DPP6: variants seen among roughly 807,000 people sequenced by gnomAD.
The protein encoded by DPP6 is A-type potassium channel modulatory protein DPP6.
In DPP6, 69 loss-of-function variants were observed where a neutral mutation model predicts 122.6. The ratio of observed to expected loss-of-function variants is 0.56; its 90% confidence interval spans 0.46 to 0.69. The LOEUF (loss-of-function observed/expected upper bound fraction) is 0.69, where lower values mean the gene tolerates loss of function less well. Among genes scored for constraint, DPP6 ranks in the 30% least tolerant of loss-of-function variants. The pLI, the probability that DPP6 is intolerant of heterozygous loss-of-function variation, is 0.00. For missense variants in DPP6, 928 were observed against 1,116.9 expected (o/e 0.83, Z 2.41); for synonymous variants, 418 against 433.1 (o/e 0.97, Z 0.43).
chr7:153,768,019 T>C, the DPP6 span, among the ~76,000 whole-genome samples: 3 of 151,862 alleles, frequency 2.0e-5, no homozygotes, highest in South Asian at 2.1e-4. Context: ...TGTTAGAAAA[T>C]TGATAATGGA....
intron 1 of DPP6, among the ~76,000 whole-genome samples, chr7:153,962,851 A>G (rs1185680190): frequency 6.6e-6 from 1 of 152,176 alleles, no homozygotes; most frequent in Non-Finnish European, 1.5e-5. Context: ...TGAATGTAAC[A>G]TGACATTTCT....
rs180987571 is a variant in DPP6, at chr7:154,718,444, G to T, written c.763-9323G>T. Among the ~76,000 whole-genome samples the T allele has an allele frequency of 3.2e-4, 49 of 152,030 alleles. 1 individual carries two copies. The highest frequency in any genetic ancestry group is 1.2e-3 in the South Asian group (6 of 4,808). On this transcript the variant is annotated intron_variant, in intron 7 of 25. Coordinates refer to ENST00000377770, the MANE Select transcript of DPP6 (RefSeq NM_130797.4). ...TTTTTTTAAGAGGTGAGAAATTGGG[G>T]TCTAATTTCATTCTTCACGTCAAGA... is the stretch of plus-strand genomic sequence containing the variant.
intron 1 of DPP6, among the ~76,000 whole-genome samples, chr7:154,413,703 T>C (rs1367584399): frequency 2.6e-5 from 4 of 152,218 alleles, no homozygotes; most frequent in African/African-American, 9.6e-5. Flanking sequence ...ATAAGATGTG[T>C]GAGTCAAATT....
At chr7:154,488,263 C>T (rs955404384) in intron 3 of DPP6, among the ~76,000 whole-genome samples, 23 of 152,064 alleles carry the variant, frequency 1.5e-4, no homozygotes, top group Middle Eastern at 3.4e-3. Context: ...CCGAGGCTGG[C>T]GGATCATGAG....
chr7:154,806,905 C>T (rs1798728884), intron 15 of DPP6, 89 bp from the exon 16 acceptor site: 2 of 1,546,896 alleles, frequency 1.3e-6, no homozygotes, highest in East Asian at 4.5e-5. Context: ...AGATCACCCT[C>T]ATGGGGAGAG....
rs201603915 is a variant in DPP6, at chr7:154,024,629, T to C, written c.51+136895T>C. Among the ~76,000 whole-genome samples, 14 of 152,286 alleles carry C rather than the reference T, an allele frequency of 9.2e-5. No homozygotes were observed. The East Asian group carries it at 2.7e-3, about 29-fold the overall frequency. On this transcript the variant is annotated intron_variant, in intron 1 of 25. Coordinates refer to the DPP6 transcript ENST00000404039. ...GATTCCTTTCATGGCACTCCCTGAT[T>C]GAGACAATCTGTAAAATCCCTTTAA...
At chr7:154,264,440 CT>C (rs1180171816) in intron 1 of DPP6, among the ~76,000 whole-genome samples, 6 of 152,134 alleles carry the variant, frequency 3.9e-5, no homozygotes, top group African/African-American at 1.4e-4. Flanking sequence ...TTTTAATTGG[CT>C]GTTACTTTGG....
At chr7:154,696,308 T>C (rs1259124977) in intron 7 of DPP6, among the ~76,000 whole-genome samples, 1 of 151,952 alleles carries the variant, frequency 6.6e-6, no homozygotes, top group Non-Finnish European at 1.5e-5. Context: ...GAGGCTAAGA[T>C]GGGCAGAGGG....
At chr7:154,299,238 C>T (rs1313294934) in intron 1 of DPP6, among the ~76,000 whole-genome samples, 5 of 152,204 alleles carry the variant, frequency 3.3e-5, no homozygotes, top group Admixed American at 6.5e-5. Flanking sequence ...CTCCTTGCCC[C>T]GGTGAGCCCT....
At chr7:153,805,546 A>C in the DPP6 span, among the ~76,000 whole-genome samples, 3,020 of 152,284 alleles carry the variant, frequency 0.02, 108 homozygotes, top group African/African-American at 0.069. Context: ...CATGATTTAT[A>C]TTCCTTTGGG....
chr7:153,867,124 G>A, the DPP6 span, among the ~76,000 whole-genome samples: 1 of 152,144 alleles, frequency 6.6e-6, no homozygotes, highest in East Asian at 1.9e-4. Flanking sequence ...GATTGACTTG[G>A]CAATGCGGGC....
chr7:153,818,357 T>C, the DPP6 span, among the ~76,000 whole-genome samples: 4 of 152,074 alleles, frequency 2.6e-5, no homozygotes, highest in Admixed American at 6.5e-5. Context: ...GCACTAGATA[T>C]AGAATTCATT....
chr7:154,356,032 A>C (rs975962563), intron 1 of DPP6, among the ~76,000 whole-genome samples: 2 of 152,214 alleles, frequency 1.3e-5, no homozygotes, highest in African/African-American at 4.8e-5. Context: ...AATGTTTTCT[A>C]TGTAAGGTCT....
Position 154,077,110 on chromosome 7 carries a change from G to A in DPP6, c.243+24047G>A, listed in dbSNP as rs992828509. Among the ~76,000 whole-genome samples, 11 of 152,290 alleles carry A rather than the reference G, an allele frequency of 7.2e-5. 1 individual carries two copies. The highest frequency in any genetic ancestry group is 3.4e-3 in the Middle Eastern group (1 of 294). ...TAAGACCTCTATGTTTCATGTGTTT[G>A]CACTAAAAATAATGTTTGCTTCTAA... On this transcript the variant is annotated intron_variant, in intron 1 of 25. Transcript: ENST00000377770.
intron 1 of DPP6, among the ~76,000 whole-genome samples, chr7:154,323,127 A>C (rs1008190601): frequency 1.1e-4 from 16 of 152,202 alleles, no homozygotes; most frequent in Non-Finnish European, 2.2e-4. Flanking sequence ...CATTCCATGC[A>C]CATCTTGGAA....
At chr7:153,998,505 C>A (rs760606675) in intron 1 of DPP6, among the ~76,000 whole-genome samples, 2 of 152,184 alleles carry the variant, frequency 1.3e-5, no homozygotes, top group Non-Finnish European at 2.9e-5. Context: ...ATCTTCAGGA[C>A]ATCTGCCTCT....
intron 10 of DPP6, among the ~76,000 whole-genome samples, chr7:154,788,907 C>T (rs2150416951): frequency 6.6e-6 from 1 of 152,308 alleles, no homozygotes; most frequent in African/African-American, 2.4e-5. Flanking sequence ...CCTCAATTTT[C>T]CTGACCCAAA....
intron 7 of DPP6, among the ~76,000 whole-genome samples, chr7:154,686,415 A>T (rs911294730): frequency 6.8e-6 from 1 of 148,018 alleles, no homozygotes; most frequent in Non-Finnish European, 1.5e-5. Context: ...CACCATAAGG[A>T]TTTTTTTTTT....
intron 1 of DPP6, among the ~76,000 whole-genome samples, chr7:153,986,148 C>T (rs1028044170): frequency 1.3e-5 from 2 of 152,182 alleles, no homozygotes; most frequent in African/African-American, 4.8e-5. Context: ...TGATGAAATT[C>T]AAACCAAACC....
Sources: allele counts gnomAD v4.1 joint callset (sites outside exome capture counted in the v4.1 genomes callset), GRCh38; gene constraint gnomAD v4.1.1; transcripts MANE v1.5; gene names NCBI Gene and HGNC (gene_info 2026-07-23, HGNC 2026-07-21).